Variants in PDGFC observed in about 807,000 individuals in gnomAD.
PDGFC encodes the protein platelet derived growth factor C.
In PDGFC, 12 loss-of-function variants were observed where a neutral mutation model predicts 35.5. The observed-to-expected ratio is 0.34, with a 90% confidence interval of 0.22 to 0.55. PDGFC has a LOEUF of 0.55. PDGFC is among the 20% of genes least tolerant of loss of function. The probability of loss-of-function intolerance (pLI) is 0.91; values close to 1 mark genes in which losing one functional copy is unlikely to be tolerated. For synonymous variants in PDGFC, 159 were observed against 148.8 expected, an observed-to-expected ratio of 1.07 and a Z score of -0.50; for missense variants, 322 against 412.4, an observed-to-expected ratio of 0.78 and a Z score of 1.90.
At chr4:156,964,420 GTA>G (rs541237339) in intron 1 of PDGFC, among the ~76,000 whole-genome samples, 24 of 146,928 alleles carry the variant, frequency 1.6e-4, no homozygotes, top group Admixed American at 1.3e-3. Context: ...ATATATAACA[GTA>G]TATATATAGT....
At chr4:156,968,086 C>CT (rs1336114646) in intron 1 of PDGFC, among the ~76,000 whole-genome samples, 2 of 152,170 alleles carry the variant, frequency 1.3e-5, no homozygotes, top group African/African-American at 4.8e-5. Context: ...ATGATCCAGT[C>CT]TAAATCCATG....
At chr4:156,888,112 C>T (rs1397756577) in intron 1 of PDGFC, among the ~76,000 whole-genome samples, 1 of 151,528 alleles carries the variant, frequency 6.6e-6, no homozygotes, top group Non-Finnish European at 1.5e-5. Flanking sequence ...AAATTTATGA[C>T]AATTACGGAG....
At chr4:156,887,960 G>A (rs1730414442) in intron 1 of PDGFC, among the ~76,000 whole-genome samples, 2 of 148,974 alleles carry the variant, frequency 1.3e-5, no homozygotes, top group Non-Finnish European at 3.0e-5. Context: ...CTGAGATCCT[G>A]CCACTGCACT....
At chr4:156,777,404 G>A (rs763695136) in intron 3 of PDGFC, among the ~76,000 whole-genome samples, 1 of 152,150 alleles carries the variant, frequency 6.6e-6, no homozygotes, top group Non-Finnish European at 1.5e-5. Context: ...TGTATTTGGA[G>A]ACAGGGTCTT....
chr4:156,771,606 G>A (rs562711075), intron 4 of PDGFC, among the ~76,000 whole-genome samples: 2 of 152,210 alleles, frequency 1.3e-5, no homozygotes, highest in East Asian at 1.9e-4. Context: ...GAAATACCAG[G>A]GCTGGGCAAG....
intron 1 of PDGFC, among the ~76,000 whole-genome samples, chr4:156,881,290 C>T (rs1365671611): frequency 6.6e-6 from 1 of 151,890 alleles, no homozygotes; most frequent in Non-Finnish European, 1.5e-5. Flanking sequence ...TTTTTTTTTA[C>T]TTAAGGTATG....
intron 2 of PDGFC, among the ~76,000 whole-genome samples, chr4:156,823,382 G>A (rs572343393): frequency 1.3e-4 from 20 of 152,306 alleles, no homozygotes; most frequent in African/African-American, 4.6e-4. Flanking sequence ...TAAACAGAGG[G>A]AGAATGTATA....
chr4:156,810,021 A>C (rs1043389366), intron 3 of PDGFC, among the ~76,000 whole-genome samples: 2 of 151,858 alleles, frequency 1.3e-5, no homozygotes, highest in African/African-American at 4.8e-5. Flanking sequence ...TAGCCTAAAA[A>C]ATATTAAACT....
chr4:156,874,426 A>G (rs1730060504), intron 1 of PDGFC, among the ~76,000 whole-genome samples: 1 of 152,126 alleles, frequency 6.6e-6, no homozygotes, highest in Admixed American at 6.5e-5. Context: ...GAGAGGCTTA[A>G]GTATAAAGTG....
At position 156,875,286 on chromosome 4, in the gene PDGFC, G is replaced by C. The variant is rs1730086455; in HGVS notation, c.119-24870C>G. ...GTAGATGTCTATGATGTCACCATAT[G>C]GAACACAATAACAATCAGAGGCAAC... On this transcript the variant is annotated intron_variant, in intron 1 of 5. Transcript: ENST00000502773. Among the ~76,000 whole-genome samples the C allele has an allele frequency of 2.6e-5, 4 of 152,208 alleles. No homozygotes were observed. The South Asian group carries it at 8.3e-4, about 32-fold the overall frequency.
At chr4:156,951,731 GAAA>G (rs776491759) in intron 1 of PDGFC, among the ~76,000 whole-genome samples, 2 of 110,772 alleles carry the variant, frequency 1.8e-5, no homozygotes, top group African/African-American at 6.1e-5. Context: ...CTACCTTATA[GAAA>G]AAAAAAAAAA....
chr4:156,778,144 A>G, intron 3 of PDGFC: 1 of 280,792 alleles, frequency 3.6e-6, no homozygotes. Context: ...AGGCAAATGA[A>G]CAAAAGTAAA....
chr4:156,926,696 C>T (rs538129874), intron 1 of PDGFC, among the ~76,000 whole-genome samples: 71 of 152,346 alleles, frequency 4.7e-4, no homozygotes, highest in African/African-American at 1.6e-3. Flanking sequence ...TCTTGCGCAG[C>T]TCCGCCTCTG....
intron 3 of PDGFC, among the ~76,000 whole-genome samples, chr4:156,789,101 T>A (rs941573092): frequency 6.6e-6 from 1 of 152,212 alleles, no homozygotes; most frequent in African/African-American, 2.4e-5. Context: ...CTGGAAATAC[T>A]TTTGTTTTAT....
intron 1 of PDGFC, among the ~76,000 whole-genome samples, chr4:156,907,624 C>T (rs767361831): frequency 1.3e-5 from 2 of 152,190 alleles, no homozygotes; most frequent in Non-Finnish European, 2.9e-5. Flanking sequence ...AAATCTCAGT[C>T]GGTGGGTGGA....
chr4:156,850,665 T>C (rs1729431747), intron 1 of PDGFC, among the ~76,000 whole-genome samples: 1 of 152,136 alleles, frequency 6.6e-6, no homozygotes, highest in Non-Finnish European at 1.5e-5. Flanking sequence ...ATTTAATTAC[T>C]GAAACGTCAA....
intron 2 of PDGFC, among the ~76,000 whole-genome samples, chr4:156,847,076 C>T (rs926270395): frequency 6.6e-6 from 1 of 151,560 alleles, no homozygotes; most frequent in Non-Finnish European, 1.5e-5. Context: ...AAAGGAAGGA[C>T]AGACAAACCT....
chr4:156,959,949 C>T (rs1560891672), intron 1 of PDGFC, among the ~76,000 whole-genome samples: 1 of 151,862 alleles, frequency 6.6e-6, no homozygotes, highest in East Asian at 1.9e-4. Flanking sequence ...CACCGTGAAG[C>T]AAAAACTTCT....
intron 3 of PDGFC, among the ~76,000 whole-genome samples, chr4:156,789,943 C>G (rs1324213588): frequency 2.8e-5 from 4 of 144,304 alleles, no homozygotes; most frequent in Non-Finnish European, 6.0e-5. Flanking sequence ...TGCCACGGTA[C>G]TCCAGCCTGG....
Sources: gnomAD v4.1 joint callset for allele counts (sites outside exome capture counted in the v4.1 genomes callset) on GRCh38, gnomAD v4.1.1 for gene constraint, MANE v1.5 for transcripts, NCBI Gene and HGNC (gene_info 2026-07-23, HGNC 2026-07-21) for gene names.